Variants in SYNDIG1 observed in about 807,000 individuals in gnomAD.
SYNDIG1 encodes the protein synapse differentiation inducing 1, also known as synapse differentiation-inducing gene protein 1.
A neutral mutation model predicts 19.4 loss-of-function variants in SYNDIG1; 9 were observed. The ratio of observed to expected loss-of-function variants is 0.46; its 90% confidence interval spans 0.28 to 0.81. The LOEUF is 0.81. Ranked by LOEUF, SYNDIG1 falls within the 30% of genes least tolerant of loss-of-function variation. SYNDIG1 has a pLI of 0.12. For synonymous variants in SYNDIG1, 141 were observed against 145.9 expected, an observed-to-expected ratio of 0.97 and a Z score of 0.24; for missense variants, 311 against 343.3, an observed-to-expected ratio of 0.91 and a Z score of 0.74.
At position 24,536,004 on chromosome 20, in the gene SYNDIG1, A is replaced by G. The variant is rs895823872; in HGVS notation, c.-78-7016A>G. Among the ~76,000 whole-genome samples, 7 of 152,178 alleles carry G rather than the reference A, an allele frequency of 4.6e-5. 1 individual carries two copies. The South Asian group carries it at 1.4e-3, about 32-fold the overall frequency. ...GTTTGAGGATTCATTTGCGGCTGCT[A>G]TTGGCAAAACATCACTCAGTTATTC... is the stretch of plus-strand genomic sequence containing the variant. On this transcript the variant is annotated intron_variant, in intron 1 of 3. Coordinates refer to ENST00000376862, the MANE Select transcript of SYNDIG1 (RefSeq NM_024893.3).
At chr20:24,525,693 A>G (rs181325606) in intron 1 of SYNDIG1, among the ~76,000 whole-genome samples, 226 of 152,338 alleles carry the variant, frequency 1.5e-3, no homozygotes, top group Non-Finnish European at 3.4e-4. Flanking sequence ...ACGTATGCCT[A>G]GAAGAATTTG....
intron 1 of SYNDIG1, among the ~76,000 whole-genome samples, chr20:24,515,845 C>G (rs1200275374): frequency 3.3e-5 from 5 of 152,016 alleles, no homozygotes; most frequent in South Asian, 2.1e-4. Flanking sequence ...CTACTTTAAA[C>G]TTCATATGGA....
At chr20:24,649,477 A>G (rs952704727) in intron 3 of SYNDIG1, among the ~76,000 whole-genome samples, 2 of 152,166 alleles carry the variant, frequency 1.3e-5, no homozygotes. Context: ...ACGTGTATCT[A>G]TAAACTCAGG....
chr20:24,638,570 C>T (rs6083571), intron 3 of SYNDIG1, among the ~76,000 whole-genome samples: 3 of 152,116 alleles, frequency 2.0e-5, no homozygotes, highest in Non-Finnish European at 4.4e-5. Flanking sequence ...ACAACGTTGC[C>T]TAGGCTGGTC....
chr20:24,590,273 C>T (rs1207732603), intron 3 of SYNDIG1, among the ~76,000 whole-genome samples: 2 of 151,600 alleles, frequency 1.3e-5, no homozygotes, highest in African/African-American at 4.9e-5. Flanking sequence ...GCAGGTGGGG[C>T]CGGCGCGGCG....
intron 3 of SYNDIG1, among the ~76,000 whole-genome samples, chr20:24,625,819 C>G (rs1458313342): frequency 1.3e-5 from 2 of 152,282 alleles, no homozygotes; most frequent in African/African-American, 2.4e-5. Flanking sequence ...CACCTTTCCC[C>G]CTTTTCTATT....
intron 1 of SYNDIG1, among the ~76,000 whole-genome samples, chr20:24,505,491 G>C (rs1345428628): frequency 6.6e-6 from 1 of 152,206 alleles, no homozygotes; most frequent in Non-Finnish European, 1.5e-5. Flanking sequence ...AATTGGGGTG[G>C]ATTTTAGGAA....
intron 3 of SYNDIG1, among the ~76,000 whole-genome samples, chr20:24,626,203 GGCCTGGCGGGGGCT>G (rs1444278851): frequency 3.7e-5 from 4 of 107,588 alleles, no homozygotes; most frequent in Admixed American, 1.6e-4. Flanking sequence ...CGGGGCGGCT[GGCCTGGCGGGGGCT>G]GACCCCCACC....
At chr20:24,560,337 T>C (rs2057916396) in intron 2 of SYNDIG1, among the ~76,000 whole-genome samples, 1 of 152,130 alleles carries the variant, frequency 6.6e-6, no homozygotes, top group Non-Finnish European at 1.5e-5. Context: ...TTATGCTCAA[T>C]ATTCCTCCAC....
At chr20:24,636,400 G>C (rs2059316439) in intron 3 of SYNDIG1, among the ~76,000 whole-genome samples, 1 of 152,116 alleles carries the variant, frequency 6.6e-6, no homozygotes, top group African/African-American at 2.4e-5. Flanking sequence ...AGAGAGAGAG[G>C]GGCACCTGAG....
intron 3 of SYNDIG1, among the ~76,000 whole-genome samples, chr20:24,642,282 A>G (rs1210152191): frequency 6.6e-6 from 1 of 152,162 alleles, no homozygotes; most frequent in East Asian, 1.9e-4. Flanking sequence ...GACTGAGGTT[A>G]TAGACTTGGG....
intron 3 of SYNDIG1, among the ~76,000 whole-genome samples, chr20:24,599,759 T>C (rs1042859385): frequency 1.3e-5 from 2 of 152,228 alleles, no homozygotes; most frequent in Non-Finnish European, 2.9e-5. Context: ...CTCTCACTTA[T>C]ACACATGAGA....
At chr20:24,584,795 C>T (rs1000427215) in intron 2 of SYNDIG1, 61 bp from the exon 3 acceptor site, 2 of 1,610,734 alleles carry the variant, frequency 1.2e-6, no homozygotes, top group Non-Finnish European at 1.7e-6. Flanking sequence ...CCCTGGACAC[C>T]CCAGGATGAC....
At chr20:24,638,994 T>C (rs986155248) in intron 3 of SYNDIG1, among the ~76,000 whole-genome samples, 9 of 151,968 alleles carry the variant, frequency 5.9e-5, no homozygotes, top group Non-Finnish European at 1.5e-5. Context: ...CCTGCCAGCG[T>C]GGTGGGTGCA....
intron 3 of SYNDIG1, among the ~76,000 whole-genome samples, chr20:24,622,697 T>C (rs1259971134): frequency 6.6e-6 from 1 of 152,194 alleles, no homozygotes. Context: ...TTGTTTTCCA[T>C]GAAATTGGTC....
At chr20:24,522,275 G>A (rs1020381837) in intron 1 of SYNDIG1, among the ~76,000 whole-genome samples, 1 of 152,056 alleles carries the variant, frequency 6.6e-6, no homozygotes, top group Non-Finnish European at 1.5e-5. Context: ...ATTTTTTGTA[G>A]AGATGGGGTC....
At chr20:24,537,105 G>A (rs1214226810) in intron 1 of SYNDIG1, among the ~76,000 whole-genome samples, 2 of 152,012 alleles carry the variant, frequency 1.3e-5, no homozygotes, top group African/African-American at 2.4e-5. Flanking sequence ...TGCTTACTAT[G>A]AGCCTCTAAA....
At chr20:24,665,252 C>T in intron 3 of SYNDIG1, 94 bp from the exon 4 acceptor site, 1 of 1,467,574 alleles carries the variant, frequency 6.8e-7, no homozygotes, top group South Asian at 1.3e-5. Context: ...TCAACAATGC[C>T]TTTTTCTGAA....
intron 3 of SYNDIG1, among the ~76,000 whole-genome samples, chr20:24,649,730 C>T (rs2059451739): frequency 6.6e-6 from 1 of 152,184 alleles, no homozygotes. Flanking sequence ...AGTCCTGTTT[C>T]CTGAAAGTGA....
Sources: allele counts gnomAD v4.1 joint callset (sites outside exome capture counted in the v4.1 genomes callset), GRCh38; gene constraint gnomAD v4.1.1; transcripts MANE v1.5; gene names NCBI Gene and HGNC (gene_info 2026-07-23, HGNC 2026-07-21).